ANKRD30A: variants seen among roughly 807,000 people sequenced by gnomAD.
ANKRD30A encodes ankyrin repeat domain-containing protein 30A.
A neutral mutation model predicts 166.3 loss-of-function variants in ANKRD30A; 170 were observed. The ratio of observed to expected loss-of-function variants is 1.02; its 90% CI spans 0.90 to 1.16. The LOEUF is 1.16. Among genes scored for constraint, ANKRD30A ranks in the 50% most tolerant of loss-of-function variants. The pLI is 0.00. For synonymous variants in ANKRD30A, 564 were observed against 508.9 expected (o/e 1.11, Z -1.46); for missense variants, 1,630 against 1,518.0 (o/e 1.07, Z -1.23).
rs185111391 is a variant in ANKRD30A at position 37,132,475 on chromosome 10, C to T, written c.617+129C>T. 2.5e-3 allele frequency: 1,392 copies of T among 546,982 alleles called. 2 individuals carry two copies. The highest frequency in any genetic ancestry group is 3.4e-3 in the Non-Finnish European group (1,142 of 331,810). 33.9% of individuals were successfully genotyped at this position (546,982 alleles called of 1,614,324 possible). A position where few individuals can be genotyped will look rare whatever the true frequency, so the allele number is the denominator to read the frequency against. On this transcript the variant is annotated intron_variant, in intron 4 of 35. Coordinates refer to ENST00000361713, the MANE Select transcript of ANKRD30A (RefSeq NM_052997.3). ...ATGTGAAAATATCAATACAGATTAT[C>T]AGAAGAAAAGCAATTATTTGGACTG...
intron 3 of ANKRD30A, among the ~76,000 whole-genome samples, chr10:37,130,805 C>T (rs1420713223): frequency 2.0e-5 from 3 of 152,174 alleles, no homozygotes; most frequent in Admixed American, 6.5e-5. Context: ...GCTAAGAAGA[C>T]ATTCTAGCTT....
intron 15 of ANKRD30A, among the ~76,000 whole-genome samples, chr10:37,159,070 A>C (rs967560823): frequency 1.3e-5 from 2 of 152,192 alleles, no homozygotes; most frequent in African/African-American, 4.8e-5. Context: ...TCAAGCAATC[A>C]TTACTTGATG....
intron 7 of ANKRD30A, 123 bp downstream of exon 7, chr10:37,142,413 CT>C (rs1837206984): frequency 1.2e-6 from 1 of 849,530 alleles, no homozygotes; most frequent in Non-Finnish European, 1.8e-6. Flanking sequence ...TTAGGCAACA[CT>C]TTTTAATAGT....
chr10:37,244,514 G>C, the ANKRD30A span, among the ~76,000 whole-genome samples: 1 of 152,214 alleles, frequency 6.6e-6, no homozygotes, highest in African/African-American at 2.4e-5. Context: ...TCAAGGACCT[G>C]CTATCCTCAC....
At chr10:37,134,205 C>T in intron 5 of ANKRD30A, 152 bp downstream of exon 5, 1 of 897,328 alleles carries the variant, frequency 1.1e-6, no homozygotes, top group East Asian at 2.5e-5. Flanking sequence ...TATTTTAGGA[C>T]TTTCAACAAC....
At chr10:37,152,922 T>A (rs1261189464) in intron 12 of ANKRD30A, among the ~76,000 whole-genome samples, 2 of 152,174 alleles carry the variant, frequency 1.3e-5, no homozygotes, top group African/African-American at 4.8e-5. Context: ...AAAAAGACTT[T>A]AACACTTGTT....
At chr10:37,212,228 G>T (rs1265200699) in intron 31 of ANKRD30A, among the ~76,000 whole-genome samples, 2 of 151,990 alleles carry the variant, frequency 1.3e-5, no homozygotes, top group African/African-American at 4.8e-5. Flanking sequence ...ACCAATAACA[G>T]ACAAACAGAC....
At chr10:37,230,464 T>A (rs960906083) in intron 34 of ANKRD30A, among the ~76,000 whole-genome samples, 35 of 152,186 alleles carry the variant, frequency 2.3e-4, no homozygotes, top group African/African-American at 7.9e-4. Flanking sequence ...CCCTTCAGAT[T>A]CACACTAGTC....
chr10:37,162,860 A>T lies in ANKRD30A; in HGVS notation c.2002+12A>T. ...AACATTGAGAGCAGGTAAATTTTTC[A>T]ATGTAACTATGGAAAGACCAATATT... On this transcript the variant is annotated intron_variant, in intron 17 of 35. Transcript: ENST00000361713. 6.2e-7 allele frequency: 1 copy of T among 1,611,460 alleles called. No homozygotes were observed. Among genetic ancestry groups the T allele is most frequent in the Non-Finnish European group, 8.5e-7 (1 of 1,178,098 alleles).
At chr10:37,234,152 A>AGTTGGT (rs1843568702), downstream of ANKRD30A, among the ~76,000 whole-genome samples, 1 of 152,178 alleles carries the variant, frequency 6.6e-6, no homozygotes, top group South Asian at 2.1e-4. Flanking sequence ...ACCTGTCACC[A>AGTTGGT]ACACATGAAG....
Position 37,132,813 on chromosome 10 carries a change from C to A in ANKRD30A, c.617+467C>A, listed in dbSNP as rs184659160. ...AGGAGTTTGAGACCAGCCTAACCAACATGGTGAAACCCCATTTCTACTAAA... is the reference window on the plus strand; with the variant it reads ...AGGAGTTTGAGACCAGCCTAACCAAAATGGTGAAACCCCATTTCTACTAAA... On this transcript the variant is annotated intron_variant, in intron 4 of 35. Transcript: ENST00000361713. 7.7e-3 allele frequency among the ~76,000 whole-genome samples: 1,170 copies of A among 152,210 alleles called. 13 individuals are homozygous for A. The highest frequency in any genetic ancestry group is 0.026 in the African/African-American group (1,066 of 41,524).
At chr10:37,220,986 A>G (rs914446593) in intron 34 of ANKRD30A, among the ~76,000 whole-genome samples, 3 of 151,120 alleles carry the variant, frequency 2.0e-5, no homozygotes, top group Admixed American at 6.6e-5. Context: ...TGCTTCTAAT[A>G]CAGAAGAAGG....
Position 37,219,562 on chromosome 10 carries a change from G to A in ANKRD30A, c.3850G>A (p.Ala1284Thr). ...LRENTLVSEH[A>T]QRDQRETQCQ... The stretch of plus-strand genomic sequence containing the variant: ...AGAAAATACATTGGTTTCAGAACAT[G>A]CACAAAGAGACCAACGTGAAACACA... The change falls in exon 34 of 36, where the codon GCA becomes ACA. Residue 1284 changes from alanine (A) to threonine (T), a missense_variant. Ala to Thr is a moderately conservative substitution (Grantham distance 58). Transcript: ENST00000361713. 1 of 1,610,282 alleles carries A rather than the reference G, an allele frequency of 6.2e-7. No individual in the cohort carries two copies. The highest frequency in any genetic ancestry group is 2.2e-5 in the East Asian group (1 of 44,674).
the ANKRD30A span, among the ~76,000 whole-genome samples, chr10:37,247,573 A>G: frequency 6.6e-6 from 1 of 151,910 alleles, no homozygotes. Flanking sequence ...GAAGAATAGT[A>G]TCAGAAAAAA....
At chr10:37,254,352 T>C in the ANKRD30A span, among the ~76,000 whole-genome samples, 1 of 152,310 alleles carries the variant, frequency 6.6e-6, no homozygotes, top group Admixed American at 6.5e-5. Flanking sequence ...AAGATCTAAT[T>C]TCTCTACATC....
At chr10:37,253,987 G>A in the ANKRD30A span, among the ~76,000 whole-genome samples, 6 of 152,120 alleles carry the variant, frequency 3.9e-5, no homozygotes, top group Non-Finnish European at 5.9e-5. Flanking sequence ...ATGTTGTAGC[G>A]TGTATCAGCA....
Position 37,159,747 on chromosome 10 carries a change from G to A in ANKRD30A, c.1900+1161G>A, listed in dbSNP as rs377394828. Among the ~76,000 whole-genome samples, 46 of 152,118 alleles carry A rather than the reference G, an allele frequency of 3.0e-4. 1 individual carries two copies. The South Asian group carries it at 9.3e-3, about 31-fold the overall frequency. ...TTTTTTTGAGATCACCCAGGCTGGA[G>A]TGCCATGGCGCGATCTCGGCTCACG... On this transcript the variant is annotated intron_variant, in intron 15 of 35. Transcript: ENST00000361713.
At chr10:37,249,518 C>G in the ANKRD30A span, among the ~76,000 whole-genome samples, 4 of 151,998 alleles carry the variant, frequency 2.6e-5, no homozygotes, top group African/African-American at 7.3e-5. Context: ...GAGGAAATTC[C>G]ATTATGTTAT....
chr10:37,236,135 A>G (rs1052959613), downstream of ANKRD30A, among the ~76,000 whole-genome samples: 2 of 152,018 alleles, frequency 1.3e-5, no homozygotes, highest in African/African-American at 4.8e-5. Context: ...ATAAAGTTAC[A>G]AAGTCAAGGA....
Sources: gnomAD v4.1 joint callset for allele counts (sites outside exome capture counted in the v4.1 genomes callset) on GRCh38, gnomAD v4.1.1 for gene constraint, MANE v1.5 for transcripts, NCBI Gene and HGNC (gene_info 2026-07-23, HGNC 2026-07-21) for gene names.